The following SHISA6 variants were observed in gnomAD, a reference collection of about 807,000 sequenced individuals.
SHISA6 encodes protein shisa-6.
SHISA6 carries 22 observed loss-of-function variants against 47.9 expected under a neutral mutation model. The ratio of observed to expected loss-of-function variants is 0.46; its 90% CI spans 0.33 to 0.66. The LOEUF (loss-of-function observed/expected upper bound fraction) is 0.66, where lower values mean the gene tolerates loss of function less well. Ranked by LOEUF, SHISA6 falls within the 30% of genes least tolerant of loss-of-function variation. SHISA6 has a pLI of 0.02. For missense variants in SHISA6, 680 were observed against 764.6 expected, an observed-to-expected ratio of 0.89 and a Z score of 1.30; for synonymous variants, 388 against 337.8, an observed-to-expected ratio of 1.15 and a Z score of -1.63.
chr17:11,472,602 T>C (rs146286938), intron 3 of SHISA6, among the ~76,000 whole-genome samples: 2 of 152,364 alleles, frequency 1.3e-5, no homozygotes, highest in African/African-American at 4.8e-5. Flanking sequence ...TTCTAAGTTT[T>C]GGTAACTAAG....
chr17:11,325,010 A>C (rs205025), intron 2 of SHISA6, among the ~76,000 whole-genome samples: 4,671 of 152,152 alleles, frequency 0.031, 97 homozygotes, highest in Middle Eastern at 0.085. Context: ...GCAAACCCTG[A>C]CATCCTAGCT....
At chr17:11,317,897 A>C (rs191970553) in intron 2 of SHISA6, among the ~76,000 whole-genome samples, 1 of 152,144 alleles carries the variant, frequency 6.6e-6, no homozygotes. Context: ...ACAAATACAA[A>C]TATATGGGGG....
intron 2 of SHISA6, among the ~76,000 whole-genome samples, chr17:11,361,051 T>C (rs1912261140): frequency 8.5e-6 from 1 of 117,102 alleles, no homozygotes; most frequent in African/African-American, 3.3e-5. Context: ...TCCTGTTTTT[T>C]TTTTTGTGTG....
At chr17:11,366,327 G>T (rs1597478242) in intron 2 of SHISA6, among the ~76,000 whole-genome samples, 1 of 152,120 alleles carries the variant, frequency 6.6e-6, no homozygotes, top group Non-Finnish European at 1.5e-5. Context: ...TTTTGTAGAG[G>T]TGGGGTTTCG....
intron 3 of SHISA6, among the ~76,000 whole-genome samples, chr17:11,538,645 G>A (rs1001851336): frequency 2.0e-5 from 3 of 152,172 alleles, no homozygotes; most frequent in Non-Finnish European, 4.4e-5. Flanking sequence ...GATTCCTAGA[G>A]CCTGTGTCGA....
chr17:11,379,401 C>T lies in SHISA6; in HGVS notation c.800-13C>T, dbSNP rs563453775. On this transcript the variant is annotated splice_polypyrimidine_tract_variant and intron_variant, in intron 2 of 5. Coordinates refer to ENST00000441885, the MANE Select transcript of SHISA6 (RefSeq NM_207386.4). ...GTGGATGCGCCAGGTAATTCTGCCCCATCTTCTTGCAGGGCATTATGGGAA... is the reference window on the plus strand; with the variant it reads ...GTGGATGCGCCAGGTAATTCTGCCCTATCTTCTTGCAGGGCATTATGGGAA... 121 of 1,530,584 alleles carry T rather than the reference C, an allele frequency of 7.9e-5. No homozygotes were observed. The highest frequency in any genetic ancestry group is 1.5e-4 in the Admixed American group (7 of 48,080). The allele number at this position is 1,530,584 out of a possible 1,614,324, so 94.8% of individuals were successfully genotyped here. A position where few individuals can be genotyped will look rare whatever the true frequency, so the allele number is the denominator to read the frequency against.
rs116361586 is a variant in SHISA6, at chr17:11,319,046, A to G, written c.799+55520A>G. On this transcript the variant is annotated intron_variant, in intron 2 of 5. Transcript: ENST00000441885. ...TTGGTTTTTGTTTTTATTATATTTTATTTTCTAAGACCTGTATTTCTTCTT... is the reference window on the plus strand; with the variant it reads ...TTGGTTTTTGTTTTTATTATATTTTGTTTTCTAAGACCTGTATTTCTTCTT... Among the ~76,000 whole-genome samples the G allele has an allele frequency of 8.4e-3, 1,053 of 124,800 alleles. 11 individuals carry two copies. Among genetic ancestry groups the G allele is most frequent in the South Asian group, 0.026 (95 of 3,650 alleles). The allele number at this position is 124,800 out of a possible 152,430, so 81.9% of individuals were successfully genotyped here.
intron 3 of SHISA6, among the ~76,000 whole-genome samples, chr17:11,456,099 T>C (rs1915526948): frequency 6.6e-6 from 1 of 152,226 alleles, no homozygotes; most frequent in African/African-American, 2.4e-5. Flanking sequence ...GGGCATTCTT[T>C]ATGAGATGAG....
chr17:11,378,045 C>T (rs995757546), intron 2 of SHISA6, among the ~76,000 whole-genome samples: 1 of 152,194 alleles, frequency 6.6e-6, no homozygotes, highest in African/African-American at 2.4e-5. Flanking sequence ...TTCTAATGCT[C>T]TCCTCCTCGT....
At chr17:11,330,676 C>T (rs205031) in intron 2 of SHISA6, among the ~76,000 whole-genome samples, 5 of 152,056 alleles carry the variant, frequency 3.3e-5, no homozygotes, top group East Asian at 1.9e-4. Context: ...ACAGAAAAAA[C>T]GTAAGTAAAA....
At position 11,241,766 on chromosome 17, in the gene SHISA6, G is replaced by A. The variant is rs1333846341; in HGVS notation, c.344G>A (p.Ser115Asn). 6.5e-7 allele frequency: 1 copy of A among 1,548,582 alleles called. No homozygotes were observed. Among genetic ancestry groups the A allele is most frequent in the Non-Finnish European group, 8.7e-7 (1 of 1,146,994 alleles). ...DKEFECNNSESGYLYCCGTCY... is the reference protein window; with the variant it reads ...DKEFECNNSENGYLYCCGTCY... ...GAGTTCGAGTGTAACAACAGCGAGAGCGGCTACCTGTACTGCTGCGGTACC... is the reference window on the plus strand; with the variant it reads ...GAGTTCGAGTGTAACAACAGCGAGAACGGCTACCTGTACTGCTGCGGTACC... Residue 115 changes from serine (S) to asparagine (N), a missense_variant, in exon 1 of 6, where the codon AGC becomes AAC. By Grantham distance (46) the Ser-to-Asn change is conservative. Coordinates refer to ENST00000441885, the MANE Select transcript of SHISA6 (RefSeq NM_207386.4). This position sits in a 1 kb window ranked among gnomAD's most constrained non-coding sequence, Gnocchi z 5.5.
intron 4 of SHISA6, among the ~76,000 whole-genome samples, chr17:11,554,655 C>G (rs2071959715): frequency 1.3e-5 from 2 of 152,182 alleles, no homozygotes; most frequent in African/African-American, 4.8e-5. Flanking sequence ...CACAGCGAGA[C>G]TATAGCCTTC....
At position 11,558,831 on chromosome 17, in the gene SHISA6, G is replaced by A. The variant is rs140291120; in HGVS notation, c.*527G>A. On this transcript the variant is annotated 3_prime_UTR_variant, in exon 6 of 6. Coordinates refer to ENST00000441885, the MANE Select transcript of SHISA6 (RefSeq NM_207386.4). ...GCCTGCTCGCTCTCTCAGAGCCAGG[G>A]AGCTGCTGTGTCCATAAGCACAATA... 27 of 170,064 alleles carry A rather than the reference G, an allele frequency of 1.6e-4. No individual in the cohort carries two copies. The East Asian group carries it at 3.4e-3, about 22-fold the overall frequency. The allele number at this position is 170,064 out of a possible 1,614,324, so 10.5% of individuals were successfully genotyped here.
At chr17:11,399,406 T>A (rs1022902738) in intron 3 of SHISA6, among the ~76,000 whole-genome samples, 6 of 152,148 alleles carry the variant, frequency 3.9e-5, no homozygotes, top group African/African-American at 1.2e-4. Context: ...CCATTGTCCA[T>A]TTTTTAAAAT....
intron 3 of SHISA6, among the ~76,000 whole-genome samples, chr17:11,530,432 G>GA (rs1238950173): frequency 2.6e-5 from 4 of 151,942 alleles, no homozygotes; most frequent in African/African-American, 7.2e-5. Flanking sequence ...TTTTTGTGTG[G>GA]AAAAAAATAC....
chr17:11,245,637 A>G (rs1907546307), intron 1 of SHISA6, among the ~76,000 whole-genome samples: 1 of 148,534 alleles, frequency 6.7e-6, no homozygotes, highest in Non-Finnish European at 1.5e-5. Flanking sequence ...TAATTAACAG[A>G]TGGGTCAGGA....
At chr17:11,365,107 A>G (rs1912401097) in intron 2 of SHISA6, among the ~76,000 whole-genome samples, 1 of 152,176 alleles carries the variant, frequency 6.6e-6, no homozygotes. Context: ...TGAGGTAGTG[A>G]TTACAAAGCA....
intron 2 of SHISA6, among the ~76,000 whole-genome samples, chr17:11,362,748 G>T (rs1384326237): frequency 2.0e-5 from 3 of 152,178 alleles, no homozygotes; most frequent in Non-Finnish European, 2.9e-5. Flanking sequence ...TATAAAGCTT[G>T]CAGTCTAGCG....
chr17:11,444,856 A>G (rs999417261), intron 3 of SHISA6, among the ~76,000 whole-genome samples: 12 of 152,122 alleles, frequency 7.9e-5, no homozygotes, highest in African/African-American at 2.9e-4. Context: ...CTCAAAAAGA[A>G]AAAGATGGTC....
Sources: gnomAD v4.1 joint callset for allele counts (sites outside exome capture counted in the v4.1 genomes callset) on GRCh38, gnomAD v4.1.1 for gene constraint, Gnocchi (gnomAD v3.1) non-coding constraint, MANE v1.5 for transcripts, NCBI Gene and HGNC (gene_info 2026-07-23, HGNC 2026-07-21) for gene names.